Variants in NEO1 observed in about 807,000 individuals in gnomAD.
NEO1 encodes the protein neogenin.
Under a neutral mutation model 159.7 loss-of-function variants are expected in NEO1, and 63 were observed. That is an observed-to-expected ratio of 0.39 (90% CI 0.32 to 0.49). The LOEUF (loss-of-function observed/expected upper bound fraction) is 0.49. NEO1 is among the 20% of genes least tolerant of loss of function. The pLI is 0.85. For synonymous variants in NEO1, 633 were observed against 662.0 expected (o/e 0.96, Z 0.67); for missense variants, 1,615 against 1,831.0 (o/e 0.88, Z 2.15).
At chr15:73,150,161 G>T (rs896021076) in intron 5 of NEO1, among the ~76,000 whole-genome samples, 2 of 152,164 alleles carry the variant, frequency 1.3e-5, no homozygotes, top group African/African-American at 2.4e-5. Flanking sequence ...GAAATCCTGA[G>T]AAATGGGTCA....
chr15:73,144,588 C>T (rs566485979), intron 5 of NEO1, among the ~76,000 whole-genome samples: 8 of 152,188 alleles, frequency 5.3e-5, no homozygotes, highest in Admixed American at 3.9e-4. Context: ...AGTGTTCCAC[C>T]GAGTTCTGTT....
chr15:73,130,304 T>TCCCGC (rs1050559309), intron 4 of NEO1, among the ~76,000 whole-genome samples: 2 of 116,618 alleles, frequency 1.7e-5, no homozygotes, highest in African/African-American at 5.3e-5. Context: ...GGGCTCAGTT[T>TCCCGC]CCCGCCCCCC....
chr15:73,255,038 G>A (rs1315864368), intron 13 of NEO1, among the ~76,000 whole-genome samples: 2 of 152,154 alleles, frequency 1.3e-5, no homozygotes, highest in Non-Finnish European at 1.5e-5. Context: ...TGGTGAGATC[G>A]AGTTTGATTT....
chr15:73,082,749 T>C (rs992370110), intron 1 of NEO1, among the ~76,000 whole-genome samples: 1 of 152,148 alleles, frequency 6.6e-6, no homozygotes, highest in Non-Finnish European at 1.5e-5. Flanking sequence ...CATGATAAAA[T>C]AGTGAAAATA....
At position 73,269,703 on chromosome 15, in the gene NEO1, TA is replaced by T. The variant is rs542879882; in HGVS notation, c.2495-305del. On this transcript the variant is annotated intron_variant, in intron 16 of 28. Coordinates refer to ENST00000261908, the MANE Select transcript of NEO1 (RefSeq NM_002499.4). ...AGGAAGTAGAATTTTCAAGTTATTT[TA>T]AGAAAATTCAAGCACGAATACATTA... Among the ~76,000 whole-genome samples, 30 of 152,328 alleles carry T rather than the reference TA, an allele frequency of 2.0e-4. 1 individual carries two copies. The highest frequency in any genetic ancestry group is 7.2e-4 in the African/African-American group (30 of 41,578).
chr15:73,145,125 A>G lies in NEO1; in HGVS notation c.1015+9098A>G, dbSNP rs561995218. Among the ~76,000 whole-genome samples, 30 of 152,360 alleles carry G rather than the reference A, an allele frequency of 2.0e-4. No individual in the cohort carries two copies. The South Asian group carries it at 5.8e-3, about 29-fold the overall frequency. On this transcript the variant is annotated intron_variant, in intron 5 of 28. Transcript: ENST00000261908. ...GTGCTTACAAATTAATAAGAACAAG[A>G]TTAATATCTGTTAAAAAAGGGGGGA... is the stretch of plus-strand genomic sequence containing the variant.
At chr15:73,174,828 A>G (rs921691454) in intron 5 of NEO1, among the ~76,000 whole-genome samples, 2 of 152,230 alleles carry the variant, frequency 1.3e-5, no homozygotes, top group African/African-American at 2.4e-5. Flanking sequence ...AAGGCTTGTC[A>G]TTGTTTGAAA....
intron 4 of NEO1, among the ~76,000 whole-genome samples, chr15:73,134,710 TG>T (rs1567278906): frequency 6.6e-6 from 1 of 152,052 alleles, no homozygotes; most frequent in Non-Finnish European, 1.5e-5. Context: ...CCACCACGCC[TG>T]GCTAATTTTT....
intron 12 of NEO1, among the ~76,000 whole-genome samples, chr15:73,253,817 G>A (rs1035877318): frequency 6.6e-6 from 1 of 152,094 alleles, no homozygotes; most frequent in African/African-American, 2.4e-5. Flanking sequence ...TTAGTGGTAC[G>A]GCAGAAGGAA....
In NEO1 at chr15:73,095,590, T is replaced by C. The variant is rs868370880; in HGVS notation, c.131-20950T>C. Among the ~76,000 whole-genome samples the C allele has an allele frequency of 3.0e-4, 46 of 152,272 alleles. 1 individual carries two copies. Among genetic ancestry groups the C allele is most frequent in the Middle Eastern group, 6.8e-3 (2 of 294 alleles). On this transcript the variant is annotated intron_variant, in intron 1 of 28. Transcript: ENST00000261908. ...CAGTTTGATGGGGAAAGATGTTTAA[T>C]TTTTTTCCTCTTCCTTTTGAAAAGT... is the stretch of plus-strand genomic sequence containing the variant.
At chr15:73,054,969 G>A (rs1019537235) in intron 1 of NEO1, among the ~76,000 whole-genome samples, 1 of 152,162 alleles carries the variant, frequency 6.6e-6, no homozygotes, top group Non-Finnish European at 1.5e-5. Flanking sequence ...AAGTGGACAT[G>A]TTCAGTAGTA....
At position 73,302,779 on chromosome 15, in the gene NEO1, C is replaced by G; in HGVS notation, c.*83C>G. The G allele has an allele frequency of 7.9e-7, 1 of 1,269,542 alleles. No homozygotes were observed. Among genetic ancestry groups the G allele is most frequent in the Non-Finnish European group, 1.1e-6 (1 of 887,144 alleles). 78.6% of individuals were successfully genotyped at this position (1,269,542 alleles called of 1,614,324 possible). On this transcript the variant is annotated 3_prime_UTR_variant, in exon 29 of 29. Transcript: ENST00000261908. ...TGAAAACAAGGAATTGTACAGAGTA[C>G]GAGAGGACAGCACTTGAGAACACAG...
chr15:73,247,487 A>G (rs575696898), intron 9 of NEO1, among the ~76,000 whole-genome samples: 6 of 152,310 alleles, frequency 3.9e-5, no homozygotes, highest in Middle Eastern at 3.4e-3. Flanking sequence ...CAGAAGTGTG[A>G]CAAATCCCAC....
intron 22 of NEO1, among the ~76,000 whole-genome samples, chr15:73,279,793 TA>T (rs1171330390): frequency 3.3e-5 from 5 of 152,310 alleles, no homozygotes; most frequent in South Asian, 2.1e-4. Context: ...AGAAGATTGC[TA>T]AATGTCAAGA....
At chr15:73,195,943 T>TC (rs1213221496) in intron 7 of NEO1, among the ~76,000 whole-genome samples, 1 of 152,218 alleles carries the variant, frequency 6.6e-6, no homozygotes, top group African/African-American at 2.4e-5. Flanking sequence ...TATTTCTCTG[T>TC]CAACTACATC....
chr15:73,115,268 G>A (rs932003048), intron 1 of NEO1, among the ~76,000 whole-genome samples: 2 of 152,054 alleles, frequency 1.3e-5, no homozygotes, highest in Non-Finnish European at 2.9e-5. Context: ...GTCTCGAACT[G>A]CTGACCTCAT....
chr15:73,124,149 A>G (rs987848266), intron 3 of NEO1, among the ~76,000 whole-genome samples: 2 of 152,020 alleles, frequency 1.3e-5, no homozygotes, highest in Admixed American at 1.3e-4. Context: ...TGCAGCCTTG[A>G]TCTCCTGGGC....
intron 7 of NEO1, among the ~76,000 whole-genome samples, chr15:73,212,327 C>G (rs970308283): frequency 1.3e-5 from 2 of 152,176 alleles, no homozygotes; most frequent in African/African-American, 4.8e-5. Flanking sequence ...TTGAGGCTCA[C>G]CTGTCTGTCC....
At chr15:73,231,881 G>A (rs2038929679) in intron 7 of NEO1, among the ~76,000 whole-genome samples, 1 of 152,148 alleles carries the variant, frequency 6.6e-6, no homozygotes, top group African/African-American at 2.4e-5. Flanking sequence ...CAGCACCCAT[G>A]AATCAGTAAT....
Sources: allele counts gnomAD v4.1 joint callset (sites outside exome capture counted in the v4.1 genomes callset), GRCh38; gene constraint gnomAD v4.1.1; transcripts MANE v1.5; gene names NCBI Gene and HGNC (gene_info 2026-07-23, HGNC 2026-07-21).